Variants in SLC35F3 observed in about 807,000 individuals in gnomAD.
The protein encoded by SLC35F3 is solute carrier family 35 member F3.
Under a neutral mutation model 49.9 loss-of-function variants are expected in SLC35F3, and 25 were observed. The ratio of observed to expected loss-of-function variants is 0.50; its 90% confidence interval spans 0.37 to 0.70. SLC35F3 has a LOEUF of 0.70. SLC35F3 is among the 30% of genes least tolerant of loss of function. The pLI is 0.00. For synonymous variants in SLC35F3, 275 were observed against 265.4 expected (o/e 1.04, Z -0.35); for missense variants, 525 against 639.8 (o/e 0.82, Z 1.94).
intron 3 of SLC35F3, among the ~76,000 whole-genome samples, chr1:234,246,314 C>T (rs897099640): frequency 1.3e-5 from 2 of 152,126 alleles, no homozygotes; most frequent in Admixed American, 6.5e-5. Context: ...CTTTTGGGTG[C>T]AGCTGGTCTA....
intron 2 of SLC35F3, among the ~76,000 whole-genome samples, chr1:233,992,117 G>T (rs774586233): frequency 6.6e-6 from 1 of 152,156 alleles, no homozygotes; most frequent in African/African-American, 2.4e-5. Context: ...CCAGACGGCC[G>T]TGGTGCTCTC....
intron 2 of SLC35F3, among the ~76,000 whole-genome samples, chr1:234,108,695 A>C (rs1457238798): frequency 1.7e-5 from 2 of 117,354 alleles, no homozygotes; most frequent in African/African-American, 3.2e-5. Flanking sequence ...TATATATAAA[A>C]TATATATTAT....
In SLC35F3 at chr1:233,951,194, T is replaced by C. The variant is rs57532247; in HGVS notation, c.283+45436T>C. Among the ~76,000 whole-genome samples, 914 of 151,644 alleles carry C rather than the reference T, an allele frequency of 6.0e-3. 15 individuals carry two copies. Among genetic ancestry groups the C allele is most frequent in the African/African-American group, 0.021 (874 of 40,992 alleles). On this transcript the variant is annotated intron_variant, in intron 2 of 7. Transcript: ENST00000366618. The stretch of plus-strand genomic sequence containing the variant: ...CATGTAACAATGTTTTGTTCCATGA[T>C]GGACTGCATATGCAATGATGCTGCC...
Position 234,054,225 on chromosome 1 carries a change from C to G in SLC35F3, c.283+148467C>G, listed in dbSNP as rs545859399. Reference sequence around the variant, plus strand: ...TGGGGAAGTTCTCCTGGATAATATCCTGCAAAGTGTTTTCCAACTTGGTTC... The same window carrying G: ...TGGGGAAGTTCTCCTGGATAATATCGTGCAAAGTGTTTTCCAACTTGGTTC... On this transcript the variant is annotated intron_variant, in intron 2 of 7. Coordinates refer to ENST00000366618, the MANE Select transcript of SLC35F3 (RefSeq NM_173508.4). Among the ~76,000 whole-genome samples the G allele has an allele frequency of 2.6e-4, 40 of 152,296 alleles. 2 individuals carry two copies. Among genetic ancestry groups the G allele is most frequent in the African/African-American group, 9.1e-4 (38 of 41,558 alleles).
Position 233,972,280 on chromosome 1 carries a change from T to C in SLC35F3, c.283+66522T>C, listed in dbSNP as rs1271335785. ...TGTGACGTCTAGGTCAAAGGACTTA[T>C]CTGAACATTAAACAGCATAATATGT... On this transcript the variant is annotated intron_variant, in intron 2 of 7. Transcript: ENST00000366618. Among the ~76,000 whole-genome samples the C allele has an allele frequency of 4.6e-5, 7 of 152,334 alleles. No homozygotes were observed. The South Asian group carries it at 1.2e-3, about 27-fold the overall frequency.
chr1:234,134,389 G>C (rs1339027050), intron 2 of SLC35F3, among the ~76,000 whole-genome samples: 1 of 148,238 alleles, frequency 6.7e-6, no homozygotes, highest in Non-Finnish European at 1.5e-5. Flanking sequence ...CATTCATTAT[G>C]CATGTGTATT....
At chr1:234,221,904 G>T (rs1174258281) in intron 2 of SLC35F3, among the ~76,000 whole-genome samples, 1 of 152,186 alleles carries the variant, frequency 6.6e-6, no homozygotes, top group Non-Finnish European at 1.5e-5. Context: ...CTACTAAGTA[G>T]CTTAATCATT....
chr1:234,100,730 A>G (rs999091990), intron 2 of SLC35F3, among the ~76,000 whole-genome samples: 1 of 152,236 alleles, frequency 6.6e-6, no homozygotes, highest in African/African-American at 2.4e-5. Flanking sequence ...CTTTCTATCT[A>G]TACCTAAGCC....
chr1:234,154,245 T>A (rs575225284), intron 2 of SLC35F3, among the ~76,000 whole-genome samples: 2 of 152,116 alleles, frequency 1.3e-5, no homozygotes, highest in Non-Finnish European at 1.5e-5. Flanking sequence ...AGTGAGACCC[T>A]GTCTCAAAAA....
intron 4 of SLC35F3, among the ~76,000 whole-genome samples, chr1:234,314,079 G>A (rs1251162716): frequency 6.6e-6 from 1 of 152,182 alleles, no homozygotes; most frequent in African/African-American, 2.4e-5. Flanking sequence ...AAGGCCCACA[G>A]CCAGGGATGT....
intron 3 of SLC35F3, among the ~76,000 whole-genome samples, chr1:234,302,489 G>A (rs642487): frequency 0.77 from 117,345 of 152,046 alleles, 46,041 homozygotes; most frequent in African/African-American, 0.93. Context: ...GAGCGTAGAT[G>A]GCTATTCTGA....
chr1:234,109,346 A>T (rs1473229371), intron 2 of SLC35F3, among the ~76,000 whole-genome samples: 1 of 152,196 alleles, frequency 6.6e-6, no homozygotes, highest in African/African-American at 2.4e-5. Flanking sequence ...CCTAGCCTGT[A>T]GGTTAAATGT....
intron 2 of SLC35F3, among the ~76,000 whole-genome samples, chr1:234,216,881 C>T (rs1667130722): frequency 6.6e-6 from 1 of 152,180 alleles, no homozygotes; most frequent in South Asian, 2.1e-4. Context: ...ACAAGTATCC[C>T]ATGCAAAATT....
intron 2 of SLC35F3, among the ~76,000 whole-genome samples, chr1:234,184,602 C>T (rs747395503): frequency 1.3e-5 from 2 of 152,270 alleles, no homozygotes; most frequent in South Asian, 2.1e-4. Flanking sequence ...GGAATGCTGC[C>T]GCAGGCCAGA....
chr1:234,309,270 G>A lies in SLC35F3; in HGVS notation c.778G>A (p.Val260Met). 1 of 1,614,240 alleles carries A rather than the reference G, an allele frequency of 6.2e-7. No homozygotes were observed. Among genetic ancestry groups the A allele is most frequent in the Non-Finnish European group, 8.5e-7 (1 of 1,180,046 alleles). Reference sequence around the variant, plus strand: ...GTTGTTCTGCTGCAACAAAGCTTTTGTGTTCTTGCTCTCATGGATCGTTCT... The same window carrying A: ...GTTGTTCTGCTGCAACAAAGCTTTTATGTTCTTGCTCTCATGGATCGTTCT... ...SVLFCCNKAF[V>M]FLLSWIVLRD... is the part of the protein sequence containing the mutation. Residue 260 changes from valine to methionine, a missense_variant, in exon 4 of 8, where the codon GTG becomes ATG. Transcript: ENST00000366618.
chr1:233,914,707 T>G (rs545256003), intron 2 of SLC35F3, among the ~76,000 whole-genome samples: 1 of 152,296 alleles, frequency 6.6e-6, no homozygotes, highest in African/African-American at 2.4e-5. Context: ...CCCAGTCACT[T>G]GAGCTGGATG....
At chr1:234,062,023 A>T (rs945523071) in intron 2 of SLC35F3, among the ~76,000 whole-genome samples, 2 of 152,060 alleles carry the variant, frequency 1.3e-5, no homozygotes, top group African/African-American at 4.8e-5. Context: ...CCTGTTTCTT[A>T]TATGTCTCAC....
At chr1:233,961,103 A>C (rs996728918) in intron 2 of SLC35F3, among the ~76,000 whole-genome samples, 1 of 151,980 alleles carries the variant, frequency 6.6e-6, no homozygotes, top group Non-Finnish European at 1.5e-5. Flanking sequence ...TGGATCACAT[A>C]CTTCTTCAAA....
intron 2 of SLC35F3, among the ~76,000 whole-genome samples, chr1:234,058,253 C>A (rs1664483753): frequency 6.7e-6 from 1 of 148,188 alleles, no homozygotes; most frequent in Admixed American, 6.7e-5. Flanking sequence ...GAATGTTAAA[C>A]CAACCTTGTA....
Sources: gnomAD v4.1 joint callset for allele counts (sites outside exome capture counted in the v4.1 genomes callset) on GRCh38, gnomAD v4.1.1 for gene constraint, MANE v1.5 for transcripts, NCBI Gene and HGNC (gene_info 2026-07-23, HGNC 2026-07-21) for gene names.